GABPA: variants seen among roughly 807,000 people sequenced by gnomAD.
GABPA encodes GA-binding protein alpha chain.
GABPA carries 4 observed loss-of-function variants against 59.4 expected under a neutral mutation model. The ratio of observed to expected loss-of-function variants is 0.07; its 90% CI spans 0.03 to 0.15. The LOEUF (loss-of-function observed/expected upper bound fraction) is 0.15, where lower values mean the gene tolerates loss of function less well. Ranked by LOEUF, GABPA falls within the 10% of genes least tolerant of loss-of-function variation. The pLI is 1.00. For synonymous variants in GABPA, 164 were observed against 183.1 expected (o/e 0.90, Z 0.84); for missense variants, 251 against 543.8 (o/e 0.46, Z 5.36).
At chr21:25,745,668 T>A (rs2035343498) in intron 3 of GABPA, among the ~76,000 whole-genome samples, 1 of 152,222 alleles carries the variant, frequency 6.6e-6, no homozygotes, top group South Asian at 2.1e-4. Context: ...CCCATTGACT[T>A]TTGAAGCTGA....
intron 3 of GABPA, among the ~76,000 whole-genome samples, chr21:25,746,575 T>C (rs188727236): frequency 3.1e-4 from 47 of 152,362 alleles, no homozygotes; most frequent in Admixed American, 7.2e-4. Flanking sequence ...AACCATACTT[T>C]AATCTTTTCA....
At chr21:25,736,357 TGA>T (rs2035060061) in intron 1 of GABPA, among the ~76,000 whole-genome samples, 1 of 152,216 alleles carries the variant, frequency 6.6e-6, no homozygotes, top group South Asian at 2.1e-4. Flanking sequence ...AGGATTCACT[TGA>T]GCGAATTGTA....
Position 25,772,346 on chromosome 21 carries a change from T to A in GABPA, c.*3114T>A, listed in dbSNP as rs538346838. On this transcript the variant is annotated 3_prime_UTR_variant, in exon 10 of 10. Transcript: ENST00000400075. ...AACAATTATGTATTTCTTTGTGGTT[T>A]TAATTTTTTTTGTAATTTTACATAA... 2 of 152,260 alleles carry A rather than the reference T, an allele frequency of 1.3e-5. No individual in the cohort carries two copies. The highest frequency in any genetic ancestry group is 4.1e-4 in the South Asian group (2 of 4,832). 9.4% of individuals were successfully genotyped at this position (152,260 alleles called of 1,614,324 possible).
At chr21:25,744,947 C>T (rs2035323822) in intron 2 of GABPA, among the ~76,000 whole-genome samples, 1 of 152,024 alleles carries the variant, frequency 6.6e-6, no homozygotes, top group Non-Finnish European at 1.5e-5. Flanking sequence ...TATATGTGTA[C>T]ACATACACAC....
chr21:25,766,227 G>A (rs2035886755), intron 9 of GABPA, among the ~76,000 whole-genome samples: 2 of 151,870 alleles, frequency 1.3e-5, no homozygotes, highest in South Asian at 4.2e-4. Context: ...TCCATCTCTG[G>A]GGAAAAGTAA....
At chr21:25,750,555 A>C (rs1184193415) in intron 4 of GABPA, among the ~76,000 whole-genome samples, 1 of 152,228 alleles carries the variant, frequency 6.6e-6, no homozygotes, top group African/African-American at 2.4e-5. Flanking sequence ...TAAGTACCCA[A>C]GTTAGAAAAG....
chr21:25,762,864 C>T (rs2035796968), intron 7 of GABPA: 2 of 211,022 alleles, frequency 9.5e-6, no homozygotes, highest in South Asian at 8.7e-5. Flanking sequence ...GTGGGAGTTG[C>T]AATCAAAGTA....
rs1237749318 is a variant in GABPA at position 25,771,262 on chromosome 21, G to A, written c.*2030G>A. ...AGACATGTCTCAATTATATATGTGT[G>A]TGTATGTTTTTAAAGCTAAAAACAT... On this transcript the variant is annotated 3_prime_UTR_variant, in exon 10 of 10. Transcript: ENST00000400075. 1 of 151,870 alleles carries A rather than the reference G, an allele frequency of 6.6e-6. No individual in the cohort carries two copies. The highest frequency in any genetic ancestry group is 1.5e-5 in the Non-Finnish European group (1 of 67,846). The allele number at this position is 151,870 out of a possible 1,614,324, so 9.4% of individuals were successfully genotyped here.
chr21:25,740,651 T>C (rs1465691394), intron 1 of GABPA, among the ~76,000 whole-genome samples: 3 of 152,264 alleles, frequency 2.0e-5, no homozygotes, highest in African/African-American at 7.2e-5. Flanking sequence ...TTACATGGGA[T>C]AATTAAAAAC....
intron 5 of GABPA, among the ~76,000 whole-genome samples, chr21:25,757,021 A>G (rs1478358159): frequency 1.3e-5 from 2 of 152,200 alleles, no homozygotes; most frequent in Non-Finnish European, 2.9e-5. Context: ...TTTCAATAGC[A>G]CTTTGCCTCT....
intron 9 of GABPA, among the ~76,000 whole-genome samples, chr21:25,768,791 G>A (rs1428189189): frequency 1.3e-5 from 2 of 152,074 alleles, no homozygotes; most frequent in Non-Finnish European, 2.9e-5. Flanking sequence ...TTAATGTATA[G>A]AGTTTTGGAG....
At chr21:25,753,092 G>C (rs1317813284) in intron 5 of GABPA, among the ~76,000 whole-genome samples, 1 of 152,138 alleles carries the variant, frequency 6.6e-6, no homozygotes, top group Non-Finnish European at 1.5e-5. Flanking sequence ...TACATATTTA[G>C]TGAACACTAC....
intron 2 of GABPA, among the ~76,000 whole-genome samples, chr21:25,744,855 G>A (rs2035320702): frequency 6.6e-6 from 1 of 152,098 alleles, no homozygotes; most frequent in East Asian, 1.9e-4. Context: ...AGGAGACAAT[G>A]TGTCTTCCTT....
chr21:25,748,488 C>T (rs1433680795), intron 3 of GABPA, among the ~76,000 whole-genome samples: 1 of 152,094 alleles, frequency 6.6e-6, no homozygotes, highest in East Asian at 1.9e-4. Flanking sequence ...AACACTAATA[C>T]TGAAATGATA....
chr21:25,745,348 T>C lies in GABPA; in HGVS notation c.216T>C (p.Asp72=). ...ATGCTCATGAAATTTGTCTGCAAGATATCCAGGTAATTTTTATTTTTGTAA... is the reference window on the plus strand; with the variant it reads ...ATGCTCATGAAATTTGTCTGCAAGACATCCAGGTAATTTTTATTTTTGTAA... The part of the protein sequence containing the change: ...SLDAHEICLQ[D]IQLDPERSLF... The change falls in exon 3 of 10, where the codon GAT becomes GAC. Residue 72 remains aspartate, a synonymous_variant. Coordinates refer to ENST00000400075, the MANE Select transcript of GABPA (RefSeq NM_002040.4). 1 of 1,610,540 alleles carries C rather than the reference T, an allele frequency of 6.2e-7. No individual in the cohort carries two copies. Among genetic ancestry groups the C allele is most frequent in the Non-Finnish European group, 8.5e-7 (1 of 1,179,096 alleles).
At chr21:25,757,105 T>G (rs1293260175) in intron 5 of GABPA, among the ~76,000 whole-genome samples, 1 of 152,152 alleles carries the variant, frequency 6.6e-6, no homozygotes, top group East Asian at 1.9e-4. Context: ...TAAATGTTAT[T>G]TTTTTTCTAC....
At chr21:25,755,574 A>G (rs749065775) in intron 5 of GABPA, among the ~76,000 whole-genome samples, 11 of 152,040 alleles carry the variant, frequency 7.2e-5, no homozygotes, top group Non-Finnish European at 1.6e-4. Flanking sequence ...TGTGTTGTGG[A>G]ACTGGAAAAG....
chr21:25,737,668 T>G (rs1306709810), intron 1 of GABPA, among the ~76,000 whole-genome samples: 1 of 152,250 alleles, frequency 6.6e-6, no homozygotes, highest in Non-Finnish European at 1.5e-5. Flanking sequence ...CTTCTCAGCC[T>G]CTGGCTACAT....
At chr21:25,744,136 A>G (rs1399680449) in intron 2 of GABPA, among the ~76,000 whole-genome samples, 1 of 151,820 alleles carries the variant, frequency 6.6e-6, no homozygotes, top group Non-Finnish European at 1.5e-5. Context: ...ACAAATAACA[A>G]TAGTAGACTA....
Sources: gnomAD v4.1 joint callset for allele counts (sites outside exome capture counted in the v4.1 genomes callset) on GRCh38, gnomAD v4.1.1 for gene constraint, MANE v1.5 for transcripts, NCBI Gene and HGNC (gene_info 2026-07-23, HGNC 2026-07-21) for gene names.